TGFA: variants seen among roughly 807,000 people sequenced by gnomAD.
TGFA encodes the protein transforming growth factor alpha.
In TGFA, 12 loss-of-function variants were observed where a neutral mutation model predicts 21.7. The observed-to-expected ratio is 0.55, with a 90% CI of 0.35 to 0.90. The LOEUF is 0.90. Ranked by LOEUF, TGFA falls within the 40% of genes least tolerant of loss-of-function variation. TGFA has a pLI of 0.01. For synonymous variants in TGFA, 79 were observed against 88.1 expected (o/e 0.90, Z 0.58); for missense variants, 178 against 210.8 (o/e 0.84, Z 0.96).
intron 2 of TGFA, among the ~76,000 whole-genome samples, chr2:70,510,300 G>A (rs116494295): frequency 1.3e-5 from 2 of 152,146 alleles, no homozygotes; most frequent in Non-Finnish European, 2.9e-5. Flanking sequence ...AATCAAATAC[G>A]TGTCAGTGAC....
At chr2:70,542,994 T>C (rs1206507807) in intron 1 of TGFA, among the ~76,000 whole-genome samples, 9 of 151,566 alleles carry the variant, frequency 5.9e-5, no homozygotes, top group Admixed American at 1.3e-4. Flanking sequence ...TCCCAGGTAC[T>C]TGGGAGGCTG....
At chr2:70,551,722 C>CT (rs1173532819) in intron 1 of TGFA, among the ~76,000 whole-genome samples, 2 of 151,218 alleles carry the variant, frequency 1.3e-5, no homozygotes, top group African/African-American at 4.9e-5. Context: ...TTTTTCTCCA[C>CT]TTTTTTCAAC....
At chr2:70,454,622 C>T (rs1404762019) in intron 4 of TGFA, among the ~76,000 whole-genome samples, 2 of 152,222 alleles carry the variant, frequency 1.3e-5, no homozygotes, top group Non-Finnish European at 1.5e-5. Context: ...CCTCTAGATC[C>T]CTCCAGCATG....
At chr2:70,521,609 G>GTTGTTTTTTTT (rs1432347684) in intron 1 of TGFA, among the ~76,000 whole-genome samples, 11 of 78,884 alleles carry the variant, frequency 1.4e-4, no homozygotes, top group Non-Finnish European at 1.2e-4. Context: ...TTTTGTTGTT[G>GTTGTTTTTTTT]TTTGTTTGTT....
intron 3 of TGFA, among the ~76,000 whole-genome samples, chr2:70,459,919 C>T (rs1211239208): frequency 6.6e-6 from 1 of 152,196 alleles, no homozygotes; most frequent in Admixed American, 6.5e-5. Context: ...ACTGCCTCAT[C>T]ATTGGGACTC....
chr2:70,514,787 T>G, intron 2 of TGFA, 72 bp downstream of exon 2: 1 of 1,528,990 alleles, frequency 6.5e-7, no homozygotes, highest in East Asian at 2.3e-5. Flanking sequence ...AGGGAGCTCT[T>G]GAGGAGCCAC....
chr2:70,519,195 A>C (rs1672376470), intron 1 of TGFA, among the ~76,000 whole-genome samples: 1 of 152,034 alleles, frequency 6.6e-6, no homozygotes, highest in African/African-American at 2.4e-5. Context: ...CCATTCTTAG[A>C]CCTGGCAGGT....
intron 1 of TGFA, 147 bp from the exon 2 acceptor site, chr2:70,515,059 G>T (rs1234160848): frequency 3.0e-6 from 2 of 672,956 alleles, no homozygotes; most frequent in South Asian, 1.9e-5. Flanking sequence ...ATAATTTGTG[G>T]ATATCAGTGC....
At chr2:70,516,417 C>T (rs1208211272) in intron 1 of TGFA, among the ~76,000 whole-genome samples, 3 of 152,204 alleles carry the variant, frequency 2.0e-5, no homozygotes, top group African/African-American at 7.2e-5. Context: ...GATGTTCCTT[C>T]CAACCTCTGA....
intron 2 of TGFA, among the ~76,000 whole-genome samples, chr2:70,513,801 T>C (rs1400364009): frequency 6.6e-6 from 1 of 151,598 alleles, no homozygotes; most frequent in Non-Finnish European, 1.5e-5. Flanking sequence ...CTGAAATAAC[T>C]ATGGAGACAC....
chr2:70,524,012 TGGA>T (rs1186558239), intron 1 of TGFA, among the ~76,000 whole-genome samples: 2 of 152,144 alleles, frequency 1.3e-5, no homozygotes, highest in African/African-American at 4.8e-5. Flanking sequence ...CAGAGACCCT[TGGA>T]GGAGGAGCCA....
At chr2:70,507,293 A>G (rs1671955843) in intron 2 of TGFA, among the ~76,000 whole-genome samples, 1 of 152,264 alleles carries the variant, frequency 6.6e-6, no homozygotes, top group Admixed American at 6.5e-5. Context: ...GAAAAACAGG[A>G]AAGCACAATG....
At chr2:70,514,750 G>A (rs1433898833) in intron 2 of TGFA, 109 bp downstream of exon 2, 12 of 1,168,510 alleles carry the variant, frequency 1.0e-5, no homozygotes, top group Admixed American at 5.9e-5. Context: ...CGGGACAGGC[G>A]TGTGCTCGGT....
intron 1 of TGFA, among the ~76,000 whole-genome samples, chr2:70,524,751 G>T (rs550679063): frequency 5.6e-4 from 85 of 152,360 alleles, no homozygotes; most frequent in African/African-American, 2.0e-3. Context: ...TGGGGATAAA[G>T]TGGCAGATGC....
chr2:70,544,003 G>A (rs1673214839), intron 1 of TGFA, among the ~76,000 whole-genome samples: 1 of 152,058 alleles, frequency 6.6e-6, no homozygotes, highest in South Asian at 2.1e-4. Flanking sequence ...GTCAATCAAT[G>A]TCCTCAAAAC....
chr2:70,520,696 G>T (rs1197720825), intron 1 of TGFA, among the ~76,000 whole-genome samples: 3 of 151,856 alleles, frequency 2.0e-5, no homozygotes, highest in Non-Finnish European at 2.9e-5. Context: ...CTTCAACAAA[G>T]GCAGACAAGT....
At chr2:70,510,537 G>T (rs141173473) in intron 2 of TGFA, among the ~76,000 whole-genome samples, 1 of 152,148 alleles carries the variant, frequency 6.6e-6, no homozygotes, top group Non-Finnish European at 1.5e-5. Flanking sequence ...AAACTAACTT[G>T]CCCAGTGACT....
chr2:70,480,293 C>G (rs1671074010), intron 2 of TGFA, among the ~76,000 whole-genome samples: 1 of 152,132 alleles, frequency 6.6e-6, no homozygotes, highest in African/African-American at 2.4e-5. Flanking sequence ...GATGGCCTGC[C>G]CTCACCCTCA....
At chr2:70,461,297 C>A (rs1553491435) in intron 3 of TGFA, among the ~76,000 whole-genome samples, 3 of 152,182 alleles carry the variant, frequency 2.0e-5, no homozygotes, top group Non-Finnish European at 4.4e-5. Context: ...TCCTTCTTAA[C>A]CCTACCCCCA....
Sources: gnomAD v4.1 joint callset for allele counts (sites outside exome capture counted in the v4.1 genomes callset) on GRCh38, gnomAD v4.1.1 for gene constraint, MANE v1.5 for transcripts, NCBI Gene and HGNC (gene_info 2026-07-23, HGNC 2026-07-21) for gene names.